The following AP1G1 variants were observed in gnomAD, a reference collection of about 807,000 sequenced individuals.
AP1G1 encodes the protein AP-1 complex subunit gamma-1.
Under a neutral mutation model 108.3 loss-of-function variants are expected in AP1G1, and 7 were observed. The ratio of observed to expected loss-of-function variants is 0.06; its 90% confidence interval spans 0.04 to 0.12. The LOEUF (loss-of-function observed/expected upper bound fraction) is 0.12, where lower values mean the gene tolerates loss of function less well. Among genes scored for constraint, AP1G1 ranks in the 10% least tolerant of loss-of-function variants. The pLI is 1.00. For synonymous variants in AP1G1, 379 were observed against 353.5 expected (o/e 1.07, Z -0.81); for missense variants, 756 against 1,010.7 (o/e 0.75, Z 3.42).
rs747077165 is a variant in AP1G1, at chr16:71,748,255, C to G, written c.1621G>C (p.Val541Leu). 6 of 1,613,092 alleles carry G rather than the reference C, an allele frequency of 3.7e-6. 1 individual carries two copies. The South Asian group carries it at 5.5e-5, about 15-fold the overall frequency. Residue 541 changes from valine (V) to leucine (L), a missense_variant, in exon 16 of 23, where the codon GTA (valine) becomes CTA (leucine). Transcript: ENST00000299980. ...MKLSTRFTCT[V>L]NRIKKVVSIY... ...CTATGTTTCTTCAATACTCACTTTA[C>G]AGTACAAGTGAATCGAGTGGAAAGC...
At chr16:71,762,206 A>G (rs1313886065) in intron 9 of AP1G1, among the ~76,000 whole-genome samples, 2 of 152,128 alleles carry the variant, frequency 1.3e-5, no homozygotes, top group Non-Finnish European at 2.9e-5. Flanking sequence ...ATTCTGACAC[A>G]TGGTTCAACC....
intron 1 of AP1G1, among the ~76,000 whole-genome samples, chr16:71,806,309 T>C (rs936466346): frequency 6.6e-6 from 1 of 152,204 alleles, no homozygotes; most frequent in Non-Finnish European, 1.5e-5. Flanking sequence ...CACTGATCAA[T>C]GGTGCACTAA....
intron 1 of AP1G1, among the ~76,000 whole-genome samples, chr16:71,797,653 G>A (rs2032634311): frequency 6.6e-6 from 1 of 152,054 alleles, no homozygotes; most frequent in South Asian, 2.1e-4. Flanking sequence ...ACAAAAATTA[G>A]CCGGGCGCAG....
intron 9 of AP1G1, among the ~76,000 whole-genome samples, chr16:71,764,120 A>G (rs1223327123): frequency 1.3e-5 from 2 of 152,210 alleles, no homozygotes; most frequent in East Asian, 1.9e-4. Flanking sequence ...TAAGACAAAT[A>G]TATCTACTAT....
At chr16:71,753,630 T>C (rs1466989457) in intron 13 of AP1G1, 2 of 571,782 alleles carry the variant, frequency 3.5e-6, no homozygotes, top group South Asian at 1.9e-5. Context: ...ACTTGGCCAG[T>C]TGCCCTATAT....
intron 6 of AP1G1, among the ~76,000 whole-genome samples, chr16:71,768,055 T>C (rs7192956): frequency 0.51 from 76,812 of 151,374 alleles, 19,824 homozygotes; most frequent in Middle Eastern, 0.65. Flanking sequence ...AGATCTAAAG[T>C]ACAAAGTGAG....
At chr16:71,788,559 A>G (rs1291905025) in intron 2 of AP1G1, among the ~76,000 whole-genome samples, 1 of 152,260 alleles carries the variant, frequency 6.6e-6, no homozygotes, top group South Asian at 2.1e-4. Flanking sequence ...GACGCCACCA[A>G]TTGGCAACCA....
At chr16:71,779,009 C>A (rs1448732693) in intron 2 of AP1G1, among the ~76,000 whole-genome samples, 1 of 152,196 alleles carries the variant, frequency 6.6e-6, no homozygotes, top group East Asian at 1.9e-4. Context: ...ACAACTCTAG[C>A]AGACGCTTTA....
chr16:71,743,625 T>A (rs1337653032), intron 19 of AP1G1: 1 of 147,098 alleles, frequency 6.8e-6, no homozygotes, highest in Non-Finnish European at 1.5e-5. Context: ...AAAAAGACAC[T>A]TTAACCTTTC....
intron 1 of AP1G1, among the ~76,000 whole-genome samples, chr16:71,795,450 TGTCA>T (rs1205918134): frequency 6.6e-6 from 1 of 152,190 alleles, no homozygotes; most frequent in Non-Finnish European, 1.5e-5. Flanking sequence ...AGTCACAGAA[TGTCA>T]GTCTAGCTGA....
chr16:71,803,015 G>A (rs967288158), intron 1 of AP1G1, among the ~76,000 whole-genome samples: 1 of 152,068 alleles, frequency 6.6e-6, no homozygotes, highest in Non-Finnish European at 1.5e-5. Context: ...AGGATTTCGA[G>A]ACCAGCCTGG....
chr16:71,751,742 A>G (rs571744099), intron 13 of AP1G1, among the ~76,000 whole-genome samples: 1 of 152,332 alleles, frequency 6.6e-6, no homozygotes, highest in African/African-American at 2.4e-5. Context: ...ACTTACACTG[A>G]ACCAAGAAAG....
chr16:71,773,111 A>C, intron 4 of AP1G1, 110 bp downstream of exon 4: 1 of 1,201,158 alleles, frequency 8.3e-7, no homozygotes, highest in South Asian at 1.3e-5. Flanking sequence ...TTTACTACAC[A>C]GAAAAAATGA....
intron 13 of AP1G1, among the ~76,000 whole-genome samples, chr16:71,752,742 T>C (rs2030569138): frequency 6.6e-6 from 1 of 152,236 alleles, no homozygotes; most frequent in Non-Finnish European, 1.5e-5. Flanking sequence ...CATCATCCTA[T>C]ACTCCCATAA....
intron 17 of AP1G1, among the ~76,000 whole-genome samples, chr16:71,746,375 G>A (rs2030182846): frequency 6.6e-6 from 1 of 152,238 alleles, no homozygotes; most frequent in South Asian, 2.1e-4. Flanking sequence ...AAGTGTAAGT[G>A]TTGGAGGTGG....
At position 71,738,474 on chromosome 16, in the gene AP1G1, C is replaced by T. The variant is rs147922392; in HGVS notation, c.2268+468G>A. On this transcript the variant is annotated intron_variant, in intron 21 of 22. Transcript: ENST00000299980. ...GTATCTATAATAAATTGGATGTTAA[C>T]GAAGGAGGAATGTTTCTCTCATTTA... Among the ~76,000 whole-genome samples, 24 of 152,200 alleles carry T rather than the reference C, an allele frequency of 1.6e-4. No individual in the cohort carries two copies. In the East Asian group the frequency reaches 4.2e-3, roughly 27 times the overall value.
chr16:71,760,483 T>G (rs2031031487), intron 10 of AP1G1, among the ~76,000 whole-genome samples: 2 of 149,944 alleles, frequency 1.3e-5, no homozygotes, highest in African/African-American at 4.9e-5. Flanking sequence ...AGGCGGAGGT[T>G]GCAGTGAGCC....
chr16:71,748,064 T>C (rs1475271285), intron 16 of AP1G1, among the ~76,000 whole-genome samples, 187 bp downstream of exon 16: 1 of 152,242 alleles, frequency 6.6e-6, no homozygotes, highest in East Asian at 1.9e-4. Context: ...AACAAAGTGC[T>C]GATGAATAAA....
In AP1G1 at chr16:71,748,511, C is replaced by T. The variant is rs902358555; in HGVS notation, c.1498-133G>A. The T allele has an allele frequency of 2.0e-5, 22 of 1,080,318 alleles. No homozygotes were observed. In the Admixed American group the frequency reaches 2.9e-4, roughly 14 times the overall value. 66.9% of individuals were successfully genotyped at this position (1,080,318 alleles called of 1,614,324 possible). On this transcript the variant is annotated intron_variant, in intron 15 of 22. Transcript: ENST00000299980. Reference sequence around the variant, plus strand: ...ACAAAAGCCTCTAACTCAACCTGTGCTTTGCCAGGGTAACTGTCCAAGCTG... The same window carrying T: ...ACAAAAGCCTCTAACTCAACCTGTGTTTTGCCAGGGTAACTGTCCAAGCTG...
Sources: allele counts gnomAD v4.1 joint callset (sites outside exome capture counted in the v4.1 genomes callset), GRCh38; gene constraint gnomAD v4.1.1; transcripts MANE v1.5; gene names NCBI Gene and HGNC (gene_info 2026-07-23, HGNC 2026-07-21).